The following ANGPT2 variants were observed in gnomAD, a reference collection of about 807,000 sequenced individuals.
The protein encoded by ANGPT2 is angiopoietin 2, also known as angiopoietin-2.
ANGPT2 carries 28 observed loss-of-function variants against 62.9 expected under a neutral mutation model. The observed-to-expected ratio is 0.44, with a 90% CI of 0.33 to 0.61. The LOEUF (loss-of-function observed/expected upper bound fraction) is 0.61, where lower values mean the gene tolerates loss of function less well. Among genes scored for constraint, ANGPT2 ranks in the 20% least tolerant of loss-of-function variants. ANGPT2 has a pLI of 0.03. For synonymous variants in ANGPT2, 284 were observed against 207.8 expected, an observed-to-expected ratio of 1.37 and a Z score of -3.15; for missense variants, 727 against 594.9, an observed-to-expected ratio of 1.22 and a Z score of -2.31.
intron 4 of ANGPT2, among the ~76,000 whole-genome samples, chr8:6,520,248 C>A (rs1817057409): frequency 6.6e-6 from 1 of 152,146 alleles, no homozygotes; most frequent in Non-Finnish European, 1.5e-5. Context: ...ACTTCCTTTG[C>A]TGATGATCAA....
At chr8:6,505,719 T>A (rs1252744976) in intron 8 of ANGPT2, among the ~76,000 whole-genome samples, 1 of 88,050 alleles carries the variant, frequency 1.1e-5, no homozygotes, top group African/African-American at 3.0e-5. Flanking sequence ...GTATATATAT[T>A]CTATATATAT....
rs1811840816 is a variant in ANGPT2, at chr8:6,500,015, T to C, written c.*3086A>G. 8.6e-6 allele frequency: 10 copies of C among 1,157,724 alleles called. No homozygotes were observed. The South Asian group carries it at 1.2e-4, about 14-fold the overall frequency. 71.7% of individuals were successfully genotyped at this position (1,157,724 alleles called of 1,614,324 possible). A position where few individuals can be genotyped will look rare whatever the true frequency, so the allele number is the denominator to read the frequency against. On this transcript the variant is annotated 3_prime_UTR_variant, in exon 9 of 9. Transcript: ENST00000629816. The stretch of plus-strand genomic sequence containing the variant: ...AAACATAAGGGTGGACTTAAGTTTT[T>C]ATCCAGTCAAGCACAATTATGCCCA...
In ANGPT2 at chr8:6,526,794, T is replaced by C. The variant is rs531102904; in HGVS notation, c.566+761A>G. Among the ~76,000 whole-genome samples the C allele has an allele frequency of 6.6e-5, 10 of 152,260 alleles. No homozygotes were observed. The East Asian group carries it at 1.9e-3, about 29-fold the overall frequency. On this transcript the variant is annotated intron_variant, in intron 3 of 8. Coordinates refer to ENST00000629816, the MANE Select transcript of ANGPT2 (RefSeq NM_001118887.2). ...CATGTCTTCATTAAAAACAAGGAAA[T>C]AGGCACACCAGGTATGTGCATAAAA...
Position 6,513,766 on chromosome 8 carries a change from G to A in ANGPT2, c.1108C>T (p.Leu370Phe). ...TCCCAGTCTTTAAGGTGTATTTTAA[G>A]CACATAGCGTTGCTGATTAGTCAGT... ...SQLTNQQRYV[L>F]KIHLKDWEGN... Residue 370 changes from leucine (L) to phenylalanine (F), a missense_variant, in exon 7 of 9, where the codon CTT becomes TTT. Leu to Phe is a conservative substitution (Grantham distance 22). Coordinates refer to ENST00000629816, the MANE Select transcript of ANGPT2 (RefSeq NM_001118887.2). The A allele has an allele frequency of 6.2e-7, 1 of 1,613,956 alleles. No homozygotes were observed. The highest frequency in any genetic ancestry group is 1.1e-5 in the South Asian group (1 of 91,024).
At chr8:6,537,763 A>G (rs2129572951) in intron 1 of ANGPT2, among the ~76,000 whole-genome samples, 1 of 152,250 alleles carries the variant, frequency 6.6e-6, no homozygotes, top group East Asian at 1.9e-4. Context: ...TTATACCAAA[A>G]GAAAAGTAAT....
intron 1 of ANGPT2, 76 bp downstream of exon 1, chr8:6,562,571 T>TTTTTTTTTTTTTTTTTTTTTTTAA (rs1825720689): frequency 2.4e-6 from 1 of 420,966 alleles, no homozygotes; most frequent in Admixed American, 3.7e-5. Flanking sequence ...TTTTTTTTTT[T>TTTTTTTTTTTTTTTTTTTTTTTAA]GGTTGTTAAA....
At position 6,521,222 on chromosome 8, in the gene ANGPT2, A is replaced by G. The variant is rs763704649; in HGVS notation, c.755T>C (p.Met252Thr). The part of the protein sequence containing the change: ...SVLQKQQHDL[M>T]ETVNNLLTMM... ...AGTCAGTAAGTTATTAACTGTCTCC[A>G]TGAGATCATGTTGCTGCTTCTGAAG... The change falls in exon 4 of 9, where the codon ATG becomes ACG. Residue 252 changes from methionine to threonine, a missense_variant. By Grantham distance (81) the Met-to-Thr change is moderately conservative. Transcript: ENST00000629816. 15 of 1,613,802 alleles carry G rather than the reference A, an allele frequency of 9.3e-6. 1 individual carries two copies. The South Asian group carries it at 1.5e-4, about 17-fold the overall frequency.
chr8:6,536,641 C>G (rs1820550743), intron 1 of ANGPT2, among the ~76,000 whole-genome samples: 1 of 152,140 alleles, frequency 6.6e-6, no homozygotes, highest in South Asian at 2.1e-4. Context: ...TACAGAAAGA[C>G]TATGGATGTC....
intron 1 of ANGPT2, among the ~76,000 whole-genome samples, chr8:6,551,900 C>G: frequency 6.6e-6 from 1 of 152,168 alleles, no homozygotes; most frequent in East Asian, 1.9e-4. Context: ...AATTTTTAAG[C>G]TACATCTGTA....
intron 8 of ANGPT2, among the ~76,000 whole-genome samples, chr8:6,506,585 G>A (rs1000540395): frequency 2.0e-5 from 3 of 152,176 alleles, no homozygotes; most frequent in Non-Finnish European, 4.4e-5. Flanking sequence ...AGTCCTAGGT[G>A]TCTGTGGCTC....
At chr8:6,537,830 T>G (rs1257690040) in intron 1 of ANGPT2, among the ~76,000 whole-genome samples, 22 of 152,146 alleles carry the variant, frequency 1.4e-4, no homozygotes, top group Non-Finnish European at 1.5e-4. Context: ...TATCCCCAAC[T>G]TGGAGATTCT....
intron 1 of ANGPT2, among the ~76,000 whole-genome samples, chr8:6,540,218 A>C (rs1821294404): frequency 6.6e-6 from 1 of 152,180 alleles, no homozygotes; most frequent in Admixed American, 6.5e-5. Context: ...GTTTTTCCAC[A>C]TATATTCATA....
chr8:6,504,025 T>A (rs1812728698), intron 8 of ANGPT2, among the ~76,000 whole-genome samples: 2 of 152,060 alleles, frequency 1.3e-5, no homozygotes, highest in South Asian at 2.1e-4. Context: ...CTAGAAATAT[T>A]CTATAAGCAG....
intron 8 of ANGPT2, among the ~76,000 whole-genome samples, chr8:6,506,989 C>A (rs572291577): frequency 3.3e-4 from 50 of 151,980 alleles, no homozygotes; most frequent in South Asian, 8.3e-4. Flanking sequence ...ACTCTGTCTC[C>A]CCGGTTCAAG....
Position 6,562,982 on chromosome 8 carries a change from A to C in ANGPT2, c.-48T>G. 1 of 1,541,022 alleles carries C rather than the reference A, an allele frequency of 6.5e-7. No individual in the cohort carries two copies. Among genetic ancestry groups the C allele is most frequent in the Non-Finnish European group, 8.8e-7 (1 of 1,136,474 alleles). On this transcript the variant is annotated 5_prime_UTR_variant, in exon 1 of 9. Coordinates refer to ENST00000629816, the MANE Select transcript of ANGPT2 (RefSeq NM_001118887.2). ...CAGCTTAGCAAACTTGAGGGCAAAC[A>C]CACGTCCAGAGTCCCGAGCTGCTGC...
chr8:6,556,059 C>T lies in ANGPT2; in HGVS notation c.288+6588G>A, dbSNP rs983828953. Among the ~76,000 whole-genome samples, 25 of 152,062 alleles carry T rather than the reference C, an allele frequency of 1.6e-4. 1 individual carries two copies. Among genetic ancestry groups the T allele is most frequent in the South Asian group, 8.3e-4 (4 of 4,826 alleles). ...TGCTGGCCTAGGAGTGCCCTGCACT[C>T]GTCTCAAGATCGATGTCCCAGTGGG... On this transcript the variant is annotated intron_variant, in intron 1 of 8. Coordinates refer to ENST00000629816, the MANE Select transcript of ANGPT2 (RefSeq NM_001118887.2).
intron 8 of ANGPT2, 96 bp downstream of exon 8, chr8:6,508,836 G>T: frequency 1.3e-6 from 2 of 1,532,954 alleles, no homozygotes; most frequent in South Asian, 1.1e-5. Context: ...TGTGGACATC[G>T]TTACAAATCA....
chr8:6,537,926 A>G (rs555646966), intron 1 of ANGPT2, among the ~76,000 whole-genome samples: 48 of 152,240 alleles, frequency 3.2e-4, no homozygotes, highest in African/African-American at 1.1e-3. Context: ...CCTTTTTACT[A>G]ATTAGTTTTT....
chr8:6,537,664 C>T (rs1023646650), intron 1 of ANGPT2, among the ~76,000 whole-genome samples: 4 of 151,772 alleles, frequency 2.6e-5, no homozygotes, highest in African/African-American at 9.7e-5. Context: ...AAAATAGGTC[C>T]ATTTGTGAGG....
Sources: gnomAD v4.1 joint callset for allele counts (sites outside exome capture counted in the v4.1 genomes callset) on GRCh38, gnomAD v4.1.1 for gene constraint, MANE v1.5 for transcripts, NCBI Gene and HGNC (gene_info 2026-07-23, HGNC 2026-07-21) for gene names.